Variants in CTNNBL1 observed in about 807,000 individuals in gnomAD.
The protein encoded by CTNNBL1 is catenin beta like 1.
CTNNBL1 carries 31 observed loss-of-function variants against 72.7 expected under a neutral mutation model. The observed-to-expected ratio is 0.43, with a 90% confidence interval of 0.32 to 0.58. The LOEUF (loss-of-function observed/expected upper bound fraction) is 0.58. CTNNBL1 is among the 20% of genes least tolerant of loss of function. The pLI is 0.08. For missense variants in CTNNBL1, 534 were observed against 725.1 expected (o/e 0.74, Z 3.03); for synonymous variants, 240 against 267.3 (o/e 0.90, Z 1.00).
rs765222283 is a variant in CTNNBL1, at chr20:37,732,986, G to A, written c.138G>A (p.Met46Ile). The A allele has an allele frequency of 6.2e-7, 1 of 1,614,086 alleles. No homozygotes were observed. Among genetic ancestry groups the A allele is most frequent in the Non-Finnish European group, 8.5e-7 (1 of 1,180,024 alleles). Residue 46 changes from methionine to isoleucine, a missense_variant, in exon 2 of 16, where the codon ATG becomes ATA. Met to Ile is a conservative substitution (Grantham distance 10). Transcript: ENST00000361383. ...GCGGCCGCTATCGGGAAGAAGAAAT[G>A]ACTGTGGTGGAGGAAGCGGATGATG... ...RERGRYREEEMTVVEEADDDK... is the reference protein window; with the variant it reads ...RERGRYREEEITVVEEADDDK...
chr20:37,784,911 G>C (rs1212432290), intron 10 of CTNNBL1, among the ~76,000 whole-genome samples: 1 of 152,114 alleles, frequency 6.6e-6, no homozygotes, highest in Non-Finnish European at 1.5e-5. Context: ...AGCATTTCTT[G>C]TAGGATGGGT....
At chr20:37,730,660 C>T in intron 1 of CTNNBL1, among the ~76,000 whole-genome samples, 1 of 152,180 alleles carries the variant, frequency 6.6e-6, no homozygotes, top group East Asian at 1.9e-4. Context: ...AACAGTAAGA[C>T]CTTCTTCATG....
rs956730332 is a variant in CTNNBL1, at chr20:37,794,607, C to T, written c.1032-8260C>T. On this transcript the variant is annotated intron_variant, in intron 10 of 15. Transcript: ENST00000361383. ...TCCCAGGTTCAAGCGATTCTTCTAC[C>T]TCAACTTCTTGAGTAGCTGGGATTA... Among the ~76,000 whole-genome samples the T allele has an allele frequency of 1.2e-4, 19 of 152,172 alleles. 1 individual carries two copies. Among genetic ancestry groups the T allele is most frequent in the African/African-American group, 4.6e-4 (19 of 41,436 alleles).
At chr20:37,777,235 T>C in intron 7 of CTNNBL1, 110 bp from the exon 8 acceptor site, 1 of 844,842 alleles carries the variant, frequency 1.2e-6, no homozygotes, top group African/African-American at 1.7e-5. Flanking sequence ...CTTTTCCTTT[T>C]CTAACTTCTG....
intron 15 of CTNNBL1, among the ~76,000 whole-genome samples, 184 bp from the exon 16 acceptor site, chr20:37,871,741 G>T (rs1390211101): frequency 1.3e-5 from 2 of 152,154 alleles, no homozygotes; most frequent in Non-Finnish European, 2.9e-5. Flanking sequence ...AGCATGGAAA[G>T]GTAAGTTGGG....
At chr20:37,848,440 G>T (rs2072365622) in intron 13 of CTNNBL1, among the ~76,000 whole-genome samples, 1 of 152,100 alleles carries the variant, frequency 6.6e-6, no homozygotes, top group African/African-American at 2.4e-5. Flanking sequence ...ACAGACCTGA[G>T]CCACTGCGCC....
At chr20:37,715,548 T>G (rs2122566296) in intron 1 of CTNNBL1, among the ~76,000 whole-genome samples, 1 of 152,328 alleles carries the variant, frequency 6.6e-6, no homozygotes, top group South Asian at 2.1e-4. Context: ...TTGTGAGATT[T>G]ATATCTGACT....
chr20:37,725,095 C>CAGGT (rs1486099076), intron 1 of CTNNBL1, among the ~76,000 whole-genome samples: 1 of 151,692 alleles, frequency 6.6e-6, no homozygotes, highest in African/African-American at 2.4e-5. Flanking sequence ...TTTATAGAGA[C>CAGGT]AGGTCCTCAC....
intron 10 of CTNNBL1, among the ~76,000 whole-genome samples, chr20:37,801,992 A>T (rs1300703020): frequency 6.6e-6 from 1 of 152,274 alleles, no homozygotes; most frequent in Non-Finnish European, 1.5e-5. Flanking sequence ...AAACGAGTTT[A>T]GCAAGGTTGC....
intron 13 of CTNNBL1, among the ~76,000 whole-genome samples, chr20:37,850,097 G>T (rs1252735359): frequency 6.6e-6 from 1 of 152,140 alleles, no homozygotes; most frequent in African/African-American, 2.4e-5. Context: ...TCTCCAGTAG[G>T]GTTGTCGTTT....
intron 11 of CTNNBL1, among the ~76,000 whole-genome samples, chr20:37,832,792 T>C (rs956714706): frequency 7.0e-4 from 3 of 4,280 alleles, no homozygotes; most frequent in Non-Finnish European, 1.2e-3. Flanking sequence ...GGACCATACT[T>C]TTTTTTTTTT....
intron 1 of CTNNBL1, among the ~76,000 whole-genome samples, chr20:37,713,992 GGTA>G (rs2122563534): frequency 6.6e-6 from 1 of 152,006 alleles, no homozygotes; most frequent in East Asian, 1.9e-4. Flanking sequence ...ACAGAGGTTT[GGTA>G]ACTTGCCCAA....
chr20:37,713,785 A>G (rs891721644), intron 1 of CTNNBL1, among the ~76,000 whole-genome samples: 1 of 152,236 alleles, frequency 6.6e-6, no homozygotes. Context: ...ATGAAATAAA[A>G]GAATATACGT....
intron 10 of CTNNBL1, among the ~76,000 whole-genome samples, chr20:37,800,939 T>C (rs888376900): frequency 6.6e-6 from 1 of 151,354 alleles, no homozygotes; most frequent in African/African-American, 2.5e-5. Flanking sequence ...GACTGATTCA[T>C]CTTATCACTC....
intron 12 of CTNNBL1, among the ~76,000 whole-genome samples, chr20:37,841,286 T>A (rs1365743630): frequency 6.6e-6 from 1 of 152,100 alleles, no homozygotes; most frequent in East Asian, 1.9e-4. Flanking sequence ...GATGAAGAGG[T>A]CATCAGGTTA....
intron 1 of CTNNBL1, among the ~76,000 whole-genome samples, chr20:37,702,462 G>A (rs2072852556): frequency 1.3e-5 from 2 of 152,094 alleles, no homozygotes; most frequent in Admixed American, 1.3e-4. Context: ...TTCTGTGAAG[G>A]CCTCATCCCA....
At chr20:37,787,345 T>G (rs1272385456) in intron 10 of CTNNBL1, among the ~76,000 whole-genome samples, 5 of 143,784 alleles carry the variant, frequency 3.5e-5, no homozygotes, top group African/African-American at 1.3e-4. Context: ...AACTGTGTGT[T>G]TTTTTTTTTT....
intron 1 of CTNNBL1, among the ~76,000 whole-genome samples, chr20:37,707,943 G>GAA (rs2072902998): frequency 6.6e-6 from 1 of 152,044 alleles, no homozygotes; most frequent in African/African-American, 2.4e-5. Context: ...GAGAGAGAGA[G>GAA]AGAGAAAGAG....
rs371725386 is a variant in CTNNBL1 at position 37,741,341 on chromosome 20, T to C, written c.326+3857T>C. On this transcript the variant is annotated intron_variant, in intron 3 of 15. Coordinates refer to ENST00000361383, the MANE Select transcript of CTNNBL1 (RefSeq NM_030877.5). Reference sequence around the variant, plus strand: ...CAGGCAAAACAGAAGACGACTGTTATAACAAACTTGAGGGTACATAGATTC... The same window carrying C: ...CAGGCAAAACAGAAGACGACTGTTACAACAAACTTGAGGGTACATAGATTC... Among the ~76,000 whole-genome samples, 3 of 152,236 alleles carry C rather than the reference T, an allele frequency of 2.0e-5. No homozygotes were observed. The East Asian group carries it at 5.8e-4, about 29-fold the overall frequency.
Sources: allele counts gnomAD v4.1 joint callset (sites outside exome capture counted in the v4.1 genomes callset), GRCh38; gene constraint gnomAD v4.1.1; transcripts MANE v1.5; gene names NCBI Gene and HGNC (gene_info 2026-07-23, HGNC 2026-07-21).